The following AGPAT4 variants were observed in gnomAD, a reference collection of about 807,000 sequenced individuals.
AGPAT4 encodes 1-acylglycerol-3-phosphate O-acyltransferase 4, also known as 1-acyl-sn-glycerol-3-phosphate acyltransferase delta.
A neutral mutation model predicts 48.0 loss-of-function variants in AGPAT4; 15 were observed. That is an observed-to-expected ratio of 0.31 (90% confidence interval 0.21 to 0.48). The LOEUF is 0.48. Among genes scored for constraint, AGPAT4 ranks in the 20% least tolerant of loss-of-function variants. The pLI is 0.99. For synonymous variants in AGPAT4, 178 were observed against 198.7 expected (o/e 0.90, Z 0.88); for missense variants, 314 against 482.5 (o/e 0.65, Z 3.27).
intron 2 of AGPAT4, among the ~76,000 whole-genome samples, chr6:161,182,411 C>T (rs1364738755): frequency 6.8e-6 from 1 of 147,684 alleles, no homozygotes; most frequent in African/African-American, 2.5e-5. Context: ...GCATCCCAGC[C>T]TCTCACCCTA....
In AGPAT4 at chr6:161,154,067, G is replaced by A. The variant is rs766570357; in HGVS notation, c.510+82C>T. On this transcript the variant is annotated intron_variant, in intron 4 of 8. Coordinates refer to ENST00000320285, the MANE Select transcript of AGPAT4 (RefSeq NM_020133.3). The surrounding 1 kb of genome is among the most constrained non-coding windows in gnomAD (Gnocchi z 7.8). ...GTCGCACAGGACCACACAGTCACGT[G>A]TCCTGTGGAAGTCACATGGGGGTCC... 5.1e-6 allele frequency: 8 copies of A among 1,570,166 alleles called. No individual in the cohort carries two copies. The highest frequency in any genetic ancestry group is 1.7e-4 in the Middle Eastern group (1 of 5,986).
At chr6:161,241,511 T>A (rs936885118) in intron 1 of AGPAT4, among the ~76,000 whole-genome samples, 1 of 152,174 alleles carries the variant, frequency 6.6e-6, no homozygotes, top group African/African-American at 2.4e-5. Flanking sequence ...TATGGAAAAG[T>A]GATGCTTCTA....
rs946420202 is a variant in AGPAT4 at position 161,254,334 on chromosome 6, T to C, written c.-90+19604A>G. ...TTATTTTCTTTGGTCACTAACCTGCTCAGGTCCCTACCTTCTCTGATCCTC... is the reference window on the plus strand; with the variant it reads ...TTATTTTCTTTGGTCACTAACCTGCCCAGGTCCCTACCTTCTCTGATCCTC... On this transcript the variant is annotated intron_variant, in intron 1 of 8. Coordinates refer to ENST00000320285, the MANE Select transcript of AGPAT4 (RefSeq NM_020133.3). This position sits in a 1 kb window ranked among gnomAD's most constrained non-coding sequence, Gnocchi z 5.9. 2.0e-5 allele frequency among the ~76,000 whole-genome samples: 3 copies of C among 152,220 alleles called. No homozygotes were observed. The highest frequency in any genetic ancestry group is 7.2e-5 in the African/African-American group (3 of 41,456).
At position 161,267,592 on chromosome 6, in the gene AGPAT4, C is replaced by G. The variant is rs556020314; in HGVS notation, c.-90+6346G>C. Among the ~76,000 whole-genome samples the G allele has an allele frequency of 1.6e-4, 25 of 151,976 alleles. No homozygotes were observed. In the East Asian group the frequency reaches 4.6e-3, roughly 28 times the overall value. On this transcript the variant is annotated intron_variant, in intron 1 of 8. Transcript: ENST00000320285. The surrounding 1 kb of genome is among the most constrained non-coding windows in gnomAD (Gnocchi z 5.2). ...AAAAAATTAGCCAGGTGTGGTGGCGCACCCCTATAGTCCCAGCTACTCAGG... is the reference window on the plus strand; with the variant it reads ...AAAAAATTAGCCAGGTGTGGTGGCGGACCCCTATAGTCCCAGCTACTCAGG...
At position 161,202,829 on chromosome 6, in the gene AGPAT4, A is replaced by T. The variant is rs1374488478; in HGVS notation, c.178+29207T>A. Among the ~76,000 whole-genome samples, 1 of 152,178 alleles carries T rather than the reference A, an allele frequency of 6.6e-6. No individual in the cohort carries two copies. Among genetic ancestry groups the T allele is most frequent in the Non-Finnish European group, 1.5e-5 (1 of 68,034 alleles). On this transcript the variant is annotated intron_variant, in intron 2 of 8. Coordinates refer to ENST00000320285, the MANE Select transcript of AGPAT4 (RefSeq NM_020133.3). This position sits in a 1 kb window ranked among gnomAD's most constrained non-coding sequence, Gnocchi z 5.4. ...ACACTGACTTTTGGAGCCCTAAACT[A>T]CCAGCTAAGAAATGCTACTGCCTTG...
Position 161,264,979 on chromosome 6 carries a change from A to G in AGPAT4, c.-90+8959T>C, listed in dbSNP as rs546454923. Among the ~76,000 whole-genome samples the G allele has an allele frequency of 6.6e-6, 1 of 152,072 alleles. No homozygotes were observed. The highest frequency in any genetic ancestry group is 1.5e-5 in the Non-Finnish European group (1 of 67,990). ...AAAGGTGGCCCCTCCTGTAAGTGAG[A>G]AGCACCAGGGACGGAAAGGGAAAGA... On this transcript the variant is annotated intron_variant, in intron 1 of 8. Transcript: ENST00000320285. The surrounding 1 kb of genome is among the most constrained non-coding windows in gnomAD (Gnocchi z 6.8).
Position 161,159,477 on chromosome 6 carries a change from C to A in AGPAT4, c.349-5167G>T, listed in dbSNP as rs907888860. ...CTCTGCCAGTAAGTTGTTGTACAGA[C>A]CCCTTCTGGCAAGAAAGGTGTGTGC... On this transcript the variant is annotated intron_variant, in intron 3 of 8. Coordinates refer to ENST00000320285, the MANE Select transcript of AGPAT4 (RefSeq NM_020133.3). This position sits in a 1 kb window ranked among gnomAD's most constrained non-coding sequence, Gnocchi z 4.1. 1.3e-5 allele frequency among the ~76,000 whole-genome samples: 2 copies of A among 152,194 alleles called. No homozygotes were observed. The highest frequency in any genetic ancestry group is 4.8e-5 in the African/African-American group (2 of 41,440).
chr6:161,181,722 C>G (rs1780599445), intron 2 of AGPAT4, among the ~76,000 whole-genome samples: 1 of 152,294 alleles, frequency 6.6e-6, no homozygotes, highest in African/African-American at 2.4e-5. Flanking sequence ...GTGCCTGCCC[C>G]ATCCCAGAAT....
At chr6:161,183,073 C>T (rs1187465702) in intron 2 of AGPAT4, among the ~76,000 whole-genome samples, 1 of 152,166 alleles carries the variant, frequency 6.6e-6, no homozygotes, top group African/African-American at 2.4e-5. Context: ...CTGCCCCCAC[C>T]ACCATTGCCA....
rs1487903496 is a variant in AGPAT4, at chr6:161,245,634, A to T, written c.-89-13332T>A. Among the ~76,000 whole-genome samples the T allele has an allele frequency of 6.6e-6, 1 of 152,116 alleles. No individual in the cohort carries two copies. The highest frequency in any genetic ancestry group is 1.5e-5 in the Non-Finnish European group (1 of 68,004). On this transcript the variant is annotated intron_variant, in intron 1 of 8. Transcript: ENST00000320285. The surrounding 1 kb of genome is among the most constrained non-coding windows in gnomAD (Gnocchi z 5.2). ...CAAGTGGCCGTTCATTTTCTTCTGC[A>T]TCTCAGATACCAGAAACTGGGCTCT... is the stretch of plus-strand genomic sequence containing the variant.
Position 161,186,852 on chromosome 6 carries a change from G to T in AGPAT4, c.179-20435C>A, listed in dbSNP as rs371632462. The stretch of plus-strand genomic sequence containing the variant: ...CTCAAGCTGTTCTCTTGGCCCAAAA[G>T]ACCATTCCTTTCTAAAGGATGTCCA... On this transcript the variant is annotated intron_variant, in intron 2 of 8. Coordinates refer to ENST00000320285, the MANE Select transcript of AGPAT4 (RefSeq NM_020133.3). Among the ~76,000 whole-genome samples, 24 of 152,274 alleles carry T rather than the reference G, an allele frequency of 1.6e-4. No homozygotes were observed. The East Asian group carries it at 2.5e-3, about 16-fold the overall frequency.
rs375395489 is a variant in AGPAT4, at chr6:161,136,999, T to C, written c.1043-365A>G. On this transcript the variant is annotated intron_variant, in intron 8 of 8. Transcript: ENST00000320285. ...TAAGGGACAGGAAGTTAACAGGGCA[T>C]GTTCAGCGAAGTTTTATAAAGAACA... Among the ~76,000 whole-genome samples the C allele has an allele frequency of 8.1e-4, 124 of 152,282 alleles. 1 individual carries two copies. Among genetic ancestry groups the C allele is most frequent in the South Asian group, 4.6e-3 (22 of 4,822 alleles).
chr6:161,158,611 G>A lies in AGPAT4; in HGVS notation c.349-4301C>T, dbSNP rs551095985. The stretch of plus-strand genomic sequence containing the variant: ...GCCCCATGACCTGGTCTGCATCTCT[G>A]GCAAGTGGGCCAGCCCTTGCAGAGA... On this transcript the variant is annotated intron_variant, in intron 3 of 8. Coordinates refer to ENST00000320285, the MANE Select transcript of AGPAT4 (RefSeq NM_020133.3). This position sits in a 1 kb window ranked among gnomAD's most constrained non-coding sequence, Gnocchi z 5.3. Among the ~76,000 whole-genome samples, 25 of 152,262 alleles carry A rather than the reference G, an allele frequency of 1.6e-4. No homozygotes were observed. In the South Asian group the frequency reaches 4.1e-3, roughly 25 times the overall value.
rs575286748 is a variant in AGPAT4 at position 161,219,248 on chromosome 6, TA to T, written c.178+12787del. On this transcript the variant is annotated intron_variant, in intron 2 of 8. Coordinates refer to ENST00000320285, the MANE Select transcript of AGPAT4 (RefSeq NM_020133.3). This position sits in a 1 kb window ranked among gnomAD's most constrained non-coding sequence, Gnocchi z 4.9. ...TGGTCTTTCAATGTTTTTGATTCCT[TA>T]AAAAAAAAATTAAATATGCACCATT... Among the ~76,000 whole-genome samples, 351 of 149,892 alleles carry T rather than the reference TA, an allele frequency of 2.3e-3. 1 individual carries two copies. The highest frequency in any genetic ancestry group is 4.1e-3 in the Non-Finnish European group (278 of 67,320).
chr6:161,213,001 C>A (rs999448031), intron 2 of AGPAT4, among the ~76,000 whole-genome samples: 2 of 152,142 alleles, frequency 1.3e-5, no homozygotes, highest in Non-Finnish European at 1.5e-5. Flanking sequence ...CAATAAAAAC[C>A]CCTTGGAAAA....
intron 1 of AGPAT4, among the ~76,000 whole-genome samples, chr6:161,257,885 C>A (rs750404453): frequency 2.0e-5 from 3 of 152,166 alleles, no homozygotes; most frequent in Non-Finnish European, 4.4e-5. Flanking sequence ...GATGTGGTGA[C>A]GCAGTCTGTC....
intron 1 of AGPAT4, among the ~76,000 whole-genome samples, chr6:161,265,796 C>A (rs1362959692): frequency 2.0e-5 from 3 of 152,160 alleles, no homozygotes; most frequent in African/African-American, 7.2e-5. Flanking sequence ...CTGCACCGGG[C>A]TGCCTTGGTG....
At chr6:161,185,625 T>C (rs770587580) in intron 2 of AGPAT4, among the ~76,000 whole-genome samples, 10 of 152,240 alleles carry the variant, frequency 6.6e-5, no homozygotes, top group Non-Finnish European at 1.2e-4. Flanking sequence ...GGAGAATCCT[T>C]ATGCTATTCT....
rs1441642393 is a variant in AGPAT4, at chr6:161,216,543, C to A, written c.178+15493G>T. ...AGCATCAGCCCCGACGCCCCAGGCC[C>A]CACCCCAGCACTCTCTTAATTCAGA... On this transcript the variant is annotated intron_variant, in intron 2 of 8. Transcript: ENST00000320285. The surrounding 1 kb of genome is among the most constrained non-coding windows in gnomAD (Gnocchi z 4.8). Among the ~76,000 whole-genome samples, 5 of 152,168 alleles carry A rather than the reference C, an allele frequency of 3.3e-5. No homozygotes were observed. Among genetic ancestry groups the A allele is most frequent in the African/African-American group, 9.7e-5 (4 of 41,436 alleles).
Sources: allele counts gnomAD v4.1 joint callset (sites outside exome capture counted in the v4.1 genomes callset), GRCh38; gene constraint gnomAD v4.1.1; non-coding constraint Gnocchi (gnomAD v3.1); transcripts MANE v1.5; gene names NCBI Gene and HGNC (gene_info 2026-07-23, HGNC 2026-07-21).